Variants in PDE4C observed in about 807,000 individuals in gnomAD.
The protein encoded by PDE4C is 3',5'-cyclic-AMP phosphodiesterase 4C.
In PDE4C, 50 loss-of-function variants were observed where a neutral mutation model predicts 63.9. That is an observed-to-expected ratio of 0.78 (90% CI 0.62 to 0.99). PDE4C has a LOEUF of 0.99. PDE4C is among the 50% of genes least tolerant of loss of function. PDE4C has a pLI of 0.00. For synonymous variants in PDE4C, 377 were observed against 385.1 expected (o/e 0.98, Z 0.25); for missense variants, 777 against 899.1 (o/e 0.86, Z 1.74).
chr19:18,211,094 A>T, exon 15 of PDE4C: 1 of 1,614,082 alleles, frequency 6.2e-7, no homozygotes, highest in Non-Finnish European at 8.5e-7. Flanking sequence ...GAGTCAGTTC[A>T]AACTGGAATC....
chr19:18,218,050 TG>T, intron 11 of PDE4C, 98 bp downstream of exon 11: 1 of 870,576 alleles, frequency 1.1e-6, no homozygotes, highest in Non-Finnish European at 1.9e-6. Flanking sequence ...ACAGGGAGAC[TG>T]GGCTCAGGGC....
chr19:18,252,355 T>A (rs1264141793), upstream of PDE4C: 6 of 398,986 alleles, frequency 1.5e-5, no homozygotes, highest in Admixed American at 2.6e-4. Context: ...TCCAAACTCA[T>A]GGTGCTGGAG....
chr19:18,227,266 G>A (rs146432905), upstream of PDE4C, among the ~76,000 whole-genome samples: 299 of 152,214 alleles, frequency 2.0e-3, 2 homozygotes, highest in Non-Finnish European at 2.4e-3. Flanking sequence ...CGCGGTCACG[G>A]GCATGGGTCT....
At chr19:18,248,907 C>T (rs560642472), upstream of PDE4C, among the ~76,000 whole-genome samples, 37 of 152,088 alleles carry the variant, frequency 2.4e-4, no homozygotes, top group Non-Finnish European at 5.1e-4. Context: ...TGCCTGTAAT[C>T]CCAGCTACTT....
chr19:18,219,834 AAAG>A (rs1968380190), intron 7 of PDE4C, among the ~76,000 whole-genome samples: 1 of 151,930 alleles, frequency 6.6e-6, no homozygotes, highest in Non-Finnish European at 1.5e-5. Context: ...AAAAAAAAAA[AAAG>A]ATCCTGTCTT....
At chr19:18,213,827 T>C (rs1600060446) in intron 12 of PDE4C, among the ~76,000 whole-genome samples, 1 of 151,948 alleles carries the variant, frequency 6.6e-6, no homozygotes, top group Non-Finnish European at 1.5e-5. Context: ...ACCTGTGGGG[T>C]GGGTGGGGCG....
upstream of PDE4C, among the ~76,000 whole-genome samples, chr19:18,228,477 G>T (rs1968787299): frequency 1.3e-5 from 2 of 152,242 alleles, no homozygotes; most frequent in East Asian, 1.9e-4. Context: ...CAGCCATAAG[G>T]TGCAAGACTG....
At position 18,233,475 on chromosome 19, in the gene PDE4C, C is replaced by A. The variant is rs1256231654; in HGVS notation, c.-284G>T. 5.4e-5 allele frequency: 36 copies of A among 666,912 alleles called. 1 individual carries two copies. In the East Asian group the frequency reaches 1.0e-3, roughly 19 times the overall value. 41.3% of individuals were successfully genotyped at this position (666,912 alleles called of 1,614,324 possible). A position where few individuals can be genotyped will look rare whatever the true frequency, so the allele number is the denominator to read the frequency against. On this transcript the variant is annotated 5_prime_UTR_variant, in exon 1 of 15. Transcript: ENST00000594465. ...AGGGGCTGAAGAGACCCCCCCCCAA[C>A]ACACCAGCCCCGAAAACCGTCTGCC...
chr19:18,213,338 G>T, intron 13 of PDE4C, 30 bp downstream of exon 13: 2 of 1,562,046 alleles, frequency 1.3e-6, no homozygotes, highest in South Asian at 1.2e-5. Context: ...AATTTAAAAA[G>T]GAAGCCCCAG....
At chr19:18,223,244 C>A (rs894236953) in intron 1 of PDE4C, among the ~76,000 whole-genome samples, 7 of 139,148 alleles carry the variant, frequency 5.0e-5, no homozygotes, top group African/African-American at 1.9e-4. Context: ...GAGTTTCACT[C>A]TTGTTGCCCA....
At chr19:18,244,032 T>A (rs1229258024) in intron 1 of PDE4C, among the ~76,000 whole-genome samples, 1 of 151,860 alleles carries the variant, frequency 6.6e-6, no homozygotes, top group East Asian at 1.9e-4. Flanking sequence ...TCTTTTTTTT[T>A]ATTTTTTATT....
At chr19:18,238,868 G>A (rs1968995224) in intron 1 of PDE4C, among the ~76,000 whole-genome samples, 1 of 151,924 alleles carries the variant, frequency 6.6e-6, no homozygotes, top group African/African-American at 2.4e-5. Flanking sequence ...GCACACGCCT[G>A]TAGTCCCAGC....
chr19:18,213,814 C>T (rs1730000111), intron 12 of PDE4C, among the ~76,000 whole-genome samples: 1 of 152,170 alleles, frequency 6.6e-6, no homozygotes. Flanking sequence ...GTCAATGAAA[C>T]CCACCTGTGG....
the PDE4C span, among the ~76,000 whole-genome samples, chr19:18,253,563 A>ACC: frequency 1.4e-5 from 2 of 141,762 alleles, no homozygotes; most frequent in East Asian, 2.1e-4. Context: ...AAAAAAAAAA[A>ACC]ACACACACAC....
chr19:18,243,125 G>A (rs979248339), intron 1 of PDE4C, among the ~76,000 whole-genome samples: 4 of 151,598 alleles, frequency 2.6e-5, no homozygotes, highest in African/African-American at 2.4e-5. Context: ...TTTTTCTTTC[G>A]AGACAGAGTT....
chr19:18,226,423 A>T (rs1379154718), exon 1 of PDE4C: 5 of 1,417,316 alleles, frequency 3.5e-6, no homozygotes, highest in Non-Finnish European at 3.7e-6. Context: ...CATCGCCAGG[A>T]CTGCGTGGAG....
chr19:18,250,856 C>T (rs1180301912), upstream of PDE4C, among the ~76,000 whole-genome samples: 1 of 151,696 alleles, frequency 6.6e-6, no homozygotes, highest in East Asian at 1.9e-4. Flanking sequence ...TTACTGTGAC[C>T]TCCATCTCCA....
At chr19:18,241,676 G>A (rs913624685) in intron 1 of PDE4C, among the ~76,000 whole-genome samples, 1 of 151,982 alleles carries the variant, frequency 6.6e-6, no homozygotes, top group South Asian at 2.1e-4. Context: ...CAGCCTCCCA[G>A]GTAGCTGAGA....
At chr19:18,210,706 C>A in exon 15 of PDE4C, 1 of 571,536 alleles carries the variant, frequency 1.7e-6, no homozygotes, top group Admixed American at 3.6e-5. Context: ...AAGAGGCTGC[C>A]CCTTAGAGAG....
Sources: gnomAD v4.1 joint callset for allele counts (sites outside exome capture counted in the v4.1 genomes callset) on GRCh38, gnomAD v4.1.1 for gene constraint, MANE v1.5 for transcripts, NCBI Gene and HGNC (gene_info 2026-07-23, HGNC 2026-07-21) for gene names.